Variants in ZNF461 observed in about 807,000 individuals in gnomAD.
ZNF461 encodes gonadotropin-inducible ovarian transcription factor-1.
A neutral mutation model predicts 18.3 loss-of-function variants in ZNF461; 16 were observed. That is an observed-to-expected ratio of 0.88 (90% confidence interval 0.59 to 1.33). ZNF461 has a LOEUF of 1.33. ZNF461 is among the 40% of genes most tolerant of loss of function. The pLI, the probability that ZNF461 is intolerant of heterozygous loss-of-function variation, is 0.00. For synonymous variants in ZNF461, 179 were observed against 216.9 expected, an observed-to-expected ratio of 0.83 and a Z score of 1.54; for missense variants, 595 against 669.9, an observed-to-expected ratio of 0.89 and a Z score of 1.23.
At position 36,639,974 on chromosome 19, in the gene ZNF461, T is replaced by C. The variant is rs778589834; in HGVS notation, c.371A>G (p.Gln124Arg). The C allele has an allele frequency of 1.9e-5, 30 of 1,613,868 alleles. No individual in the cohort carries two copies. The highest frequency in any genetic ancestry group is 2.3e-5 in the Non-Finnish European group (27 of 1,179,846). ...TTTAAATTCTTCCATGTTAACCCAC[T>C]GGGATAATTCTGTTTCATAAATATC... ...KRDIYETELS[Q>R]WVNMEEFKSH... The change falls in exon 6 of 6, where the codon CAG becomes CGG. Residue 124 changes from glutamine to arginine, a missense_variant. By Grantham distance (43) the Gln-to-Arg change is conservative (BLOSUM62 1). Coordinates refer to ENST00000588268, the MANE Select transcript of ZNF461 (RefSeq NM_153257.5).
chr19:36,666,314 G>C (rs997978161), intron 1 of ZNF461, among the ~76,000 whole-genome samples: 1 of 151,884 alleles, frequency 6.6e-6, no homozygotes, highest in African/African-American at 2.4e-5. Context: ...GGCTGGTATC[G>C]AACTCCCGAC....
intron 4 of ZNF461, among the ~76,000 whole-genome samples, chr19:36,655,798 T>G (rs1028762412): frequency 6.6e-6 from 1 of 152,180 alleles, no homozygotes; most frequent in Non-Finnish European, 1.5e-5. Flanking sequence ...GTTTTATTGC[T>G]TTAGCTCTCA....
At chr19:36,660,677 T>G (rs1460791278) in intron 2 of ZNF461, among the ~76,000 whole-genome samples, 1 of 148,524 alleles carries the variant, frequency 6.7e-6, no homozygotes, top group Non-Finnish European at 1.5e-5. Flanking sequence ...TCCTTTAAAA[T>G]GAAGGTGAAA....
intron 3 of ZNF461, 25 bp downstream of exon 3, chr19:36,658,274 G>T (rs2037758558): frequency 5.0e-6 from 8 of 1,590,822 alleles, no homozygotes; most frequent in Non-Finnish European, 6.8e-6. Flanking sequence ...GAATTGTCAG[G>T]TTCTTAATTT....
intron 5 of ZNF461, among the ~76,000 whole-genome samples, chr19:36,643,034 G>C (rs888762727): frequency 1.3e-5 from 2 of 152,122 alleles, no homozygotes; most frequent in African/African-American, 4.8e-5. Context: ...TTCCCAAAGT[G>C]CTGGGATTAC....
intron 2 of ZNF461, among the ~76,000 whole-genome samples, chr19:36,662,735 A>G (rs1176009296): frequency 6.6e-6 from 1 of 152,188 alleles, no homozygotes; most frequent in Non-Finnish European, 1.5e-5. Context: ...ATTAAATTCT[A>G]GTTGTATTTC....
intron 3 of ZNF461, among the ~76,000 whole-genome samples, chr19:36,657,252 G>T (rs112660613): frequency 6.6e-6 from 1 of 151,100 alleles, no homozygotes; most frequent in Non-Finnish European, 1.5e-5. Flanking sequence ...AGGCCAAGAC[G>T]GGTGGATCAC....
Position 36,638,990 on chromosome 19 carries a change from T to C in ZNF461, c.1355A>G (p.Gln452Arg). 6.2e-7 allele frequency: 1 copy of C among 1,614,128 alleles called. No homozygotes were observed. The highest frequency in any genetic ancestry group is 8.5e-7 in the Non-Finnish European group (1 of 1,180,018). The part of the protein sequence containing the change: ...ECKECGKTFR[Q>R]CSHLKRHQRI... The stretch of plus-strand genomic sequence containing the variant: ...CTGATGTCTTTTGAGGTGTGAACAC[T>C]GTCTAAAAGTCTTCCCACATTCCTT... Residue 452 changes from glutamine (Q) to arginine (R), a missense_variant, in exon 6 of 6, where the codon CAG becomes CGG. Physicochemically the swap from Gln to Arg is conservative, Grantham distance 43 (BLOSUM62 1). Transcript: ENST00000588268.
chr19:36,664,859 G>T (rs1246744013), intron 1 of ZNF461, 73 bp from the exon 2 acceptor site: 5 of 502,712 alleles, frequency 9.9e-6, no homozygotes, highest in Non-Finnish European at 1.7e-5. Flanking sequence ...AATTCAGAAT[G>T]ACATTTTTCT....
chr19:36,646,222 C>G (rs954904473), intron 4 of ZNF461, among the ~76,000 whole-genome samples: 1 of 151,628 alleles, frequency 6.6e-6, no homozygotes, highest in African/African-American at 2.4e-5. Flanking sequence ...CTTCCGACTC[C>G]CAGGTTCAAG....
At chr19:36,641,822 CACAT>C (rs1197723758) in intron 5 of ZNF461, among the ~76,000 whole-genome samples, 6 of 152,052 alleles carry the variant, frequency 3.9e-5, no homozygotes, top group African/African-American at 1.4e-4. Flanking sequence ...TATATATAAA[CACAT>C]ACATAAATAA....
chr19:36,652,862 TTCTG>T (rs1199116544), intron 4 of ZNF461, among the ~76,000 whole-genome samples: 1 of 152,112 alleles, frequency 6.6e-6, no homozygotes, highest in Non-Finnish European at 1.5e-5. Flanking sequence ...AACAAAGGCA[TTCTG>T]TCTAAGATAC....
intron 4 of ZNF461, among the ~76,000 whole-genome samples, chr19:36,651,233 G>GAAAAAAAAAAAAAAAAAAAAAAAAAA (rs34091845): frequency 2.4e-5 from 2 of 82,898 alleles, no homozygotes; most frequent in Non-Finnish European, 2.3e-5. Context: ...TCCGTCTCAG[G>GAAAAAAAAAAAAAAAAAAAAAAAAAA]AAAAAAAAAA....
chr19:36,663,334 T>G (rs1245544110), intron 2 of ZNF461, among the ~76,000 whole-genome samples: 2 of 152,136 alleles, frequency 1.3e-5, no homozygotes, highest in Non-Finnish European at 2.9e-5. Context: ...TTTCATTCTA[T>G]TTGCCTGGTA....
chr19:36,658,494 C>G (rs2037764417), intron 2 of ZNF461, 69 bp from the exon 3 acceptor site: 7 of 1,467,400 alleles, frequency 4.8e-6, no homozygotes, highest in Middle Eastern at 1.7e-4. Flanking sequence ...AAGAGAAGTG[C>G]TAAAAGAAGG....
chr19:36,637,791 A>T lies in ZNF461; in HGVS notation c.*862T>A, dbSNP rs1239223303. 1 of 421,196 alleles carries T rather than the reference A, an allele frequency of 2.4e-6. No individual in the cohort carries two copies. Among genetic ancestry groups the T allele is most frequent in the Non-Finnish European group, 4.7e-6 (1 of 214,084 alleles). 26.1% of individuals were successfully genotyped at this position (421,196 alleles called of 1,614,324 possible). A position where few individuals can be genotyped will look rare whatever the true frequency, so the allele number is the denominator to read the frequency against. Reference sequence around the variant, plus strand: ...TGTCCAAAGAATTTATGAAATTTACATGAAATATTCCCGTTAGAATAAAAG... The same window carrying T: ...TGTCCAAAGAATTTATGAAATTTACTTGAAATATTCCCGTTAGAATAAAAG... On this transcript the variant is annotated 3_prime_UTR_variant, in exon 6 of 6. Transcript: ENST00000588268.
intron 5 of ZNF461, among the ~76,000 whole-genome samples, chr19:36,641,084 T>C (rs2037415272): frequency 6.6e-6 from 1 of 152,248 alleles, no homozygotes; most frequent in Non-Finnish European, 1.5e-5. Context: ...AGAATCTTTT[T>C]GCCTAGATTT....
At chr19:36,658,564 A>C (rs555920145) in intron 2 of ZNF461, 139 bp from the exon 3 acceptor site, 54 of 794,326 alleles carry the variant, frequency 6.8e-5, no homozygotes, top group South Asian at 3.1e-4. Context: ...CATGGGTCAA[A>C]GAGGAATTTA....
At position 36,639,415 on chromosome 19, in the gene ZNF461, A is replaced by G. The variant is rs368477001; in HGVS notation, c.930T>C (p.Phe310=). ...PYECKECGKA[F]RQRSQLTQHQ... Reference sequence around the variant, plus strand: ...GTTGAGTAAGCTGTGATCGCTGTCTAAAGGCCTTCCCACATTCTTTACATT... The same window carrying G: ...GTTGAGTAAGCTGTGATCGCTGTCTGAAGGCCTTCCCACATTCTTTACATT... The change falls in exon 6 of 6, where the codon TTT becomes TTC. Residue 310 remains phenylalanine, a synonymous_variant. Coordinates refer to ENST00000588268, the MANE Select transcript of ZNF461 (RefSeq NM_153257.5). The G allele has an allele frequency of 1.4e-4, 218 of 1,613,948 alleles. 1 individual carries two copies. The highest frequency in any genetic ancestry group is 1.2e-3 in the Middle Eastern group (7 of 6,082).
Sources: gnomAD v4.1 joint callset for allele counts (sites outside exome capture counted in the v4.1 genomes callset) on GRCh38, gnomAD v4.1.1 for gene constraint, MANE v1.5 for transcripts, NCBI Gene and HGNC (gene_info 2026-07-23, HGNC 2026-07-21) for gene names.